Variants in PRKCZ observed in about 807,000 individuals in gnomAD.
The protein encoded by PRKCZ is protein kinase C zeta.
A neutral mutation model predicts 79.5 loss-of-function variants in PRKCZ; 33 were observed. The observed-to-expected ratio is 0.41, with a 90% CI of 0.31 to 0.55. The LOEUF (loss-of-function observed/expected upper bound fraction) is 0.55. PRKCZ is among the 20% of genes least tolerant of loss of function. PRKCZ has a pLI of 0.19. For synonymous variants in PRKCZ, 342 were observed against 320.9 expected, an observed-to-expected ratio of 1.07 and a Z score of -0.70; for missense variants, 578 against 813.5, an observed-to-expected ratio of 0.71 and a Z score of 3.52.
intron 4 of PRKCZ, among the ~76,000 whole-genome samples, chr1:2,105,803 T>TGGGTGATGACC (rs1475675794): frequency 1.3e-5 from 2 of 152,204 alleles, no homozygotes; most frequent in Non-Finnish European, 2.9e-5. Context: ...GGAGCTGCTG[T>TGGGTGATGACC]GGGTGATGAC....
At chr1:2,084,147 C>T (rs1036546957) in intron 4 of PRKCZ, among the ~76,000 whole-genome samples, 13 of 152,112 alleles carry the variant, frequency 8.5e-5, no homozygotes, top group African/African-American at 2.2e-4. Context: ...GGCTGAGGCA[C>T]GAGAATCACT....
rs141866474 is a variant in PRKCZ at position 2,140,627 on chromosome 1, A to G, written c.421-3583A>G. Among the ~76,000 whole-genome samples the G allele has an allele frequency of 2.1e-3, 325 of 152,182 alleles. 1 individual carries two copies. The highest frequency in any genetic ancestry group is 6.6e-3 in the South Asian group (32 of 4,822). On this transcript the variant is annotated intron_variant, in intron 5 of 17. Transcript: ENST00000378567. ...AGCTGAGAACATGCCACTGTACTCC[A>G]GCTTGGGTGACAGAGTGAGACTCCG...
At chr1:2,157,618 C>T (rs1376998733) in intron 10 of PRKCZ, among the ~76,000 whole-genome samples, 2 of 151,526 alleles carry the variant, frequency 1.3e-5, no homozygotes, top group African/African-American at 4.8e-5. Flanking sequence ...GTTGGCCAGG[C>T]GGGTCTCGAA....
At position 2,173,992 on chromosome 1, in the gene PRKCZ, A is replaced by C; in HGVS notation, c.1381A>C (p.Asn461His). The change falls in exon 14 of 18, where the codon AAC (asparagine) becomes CAC (histidine). Residue 461 changes from asparagine to histidine, a missense_variant. Around this residue, in one of 4 missense-constraint regions of PRKCZ, gnomAD observed 243 missense variants for 467.0 expected, o/e 0.52. Coordinates refer to ENST00000378567, the MANE Select transcript of PRKCZ (RefSeq NM_002744.6). The surrounding 1 kb of genome is among the most constrained non-coding windows in gnomAD (Gnocchi z 5.7). ...FDIITDNPDM[N>H]TEDYLFQVIL... ...CATCATCACCGACAACCCGGACATGAACACAGAGGACTACCTTTTCCAAGG... is the reference window on the plus strand; with the variant it reads ...CATCATCACCGACAACCCGGACATGCACACAGAGGACTACCTTTTCCAAGG... 6.2e-7 allele frequency: 1 copy of C among 1,611,654 alleles called. No homozygotes were observed. The highest frequency in any genetic ancestry group is 8.5e-7 in the Non-Finnish European group (1 of 1,178,772).
intron 16 of PRKCZ, chr1:2,181,711 G>C (rs1686648298): frequency 4.8e-6 from 2 of 414,906 alleles, no homozygotes; most frequent in African/African-American, 2.0e-5. Flanking sequence ...CCCTGGGCCA[G>C]CTCCAGCTGG....
intron 4 of PRKCZ, among the ~76,000 whole-genome samples, chr1:2,097,260 C>T (rs1356257150): frequency 3.3e-5 from 5 of 152,338 alleles, no homozygotes; most frequent in Admixed American, 6.5e-5. Flanking sequence ...GTGCAGGCCA[C>T]ATGGCCACCT....
intron 4 of PRKCZ, chr1:2,073,781 C>G: frequency 9.8e-7 from 1 of 1,019,168 alleles, no homozygotes; most frequent in Non-Finnish European, 1.2e-6. Context: ...ATATCTGCTC[C>G]TCGCGCTCGA....
At chr1:2,157,942 C>T (rs1028181205) in intron 10 of PRKCZ, among the ~76,000 whole-genome samples, 3 of 152,216 alleles carry the variant, frequency 2.0e-5, no homozygotes, top group African/African-American at 7.2e-5. Context: ...TTCCTAAGCA[C>T]AGCGGTCCTA....
intron 16 of PRKCZ, among the ~76,000 whole-genome samples, chr1:2,180,733 C>CT (rs944990864): frequency 6.6e-6 from 1 of 152,204 alleles, no homozygotes; most frequent in African/African-American, 2.4e-5. Flanking sequence ...CGCTGCTGTG[C>CT]TGCCACCCCA....
Position 2,097,564 on chromosome 1 carries a change from T to C in PRKCZ, c.335-37698T>C, listed in dbSNP as rs185511021. ...TCAAACCACTTCTCCTGGAGCCCCG[T>C]GTTGTGTGCGTCCCTCAGCCCATGC... On this transcript the variant is annotated intron_variant, in intron 4 of 17. Transcript: ENST00000378567. 3.2e-3 allele frequency among the ~76,000 whole-genome samples: 490 copies of C among 152,228 alleles called. 1 individual carries two copies. The highest frequency in any genetic ancestry group is 0.011 in the African/African-American group (464 of 41,544).
At chr1:2,089,877 C>T (rs980449358) in intron 4 of PRKCZ, among the ~76,000 whole-genome samples, 1 of 151,590 alleles carries the variant, frequency 6.6e-6, no homozygotes, top group Non-Finnish European at 1.5e-5. Context: ...GTAGCCAGGG[C>T]AACATAGCGA....
At position 2,178,875 on chromosome 1, in the gene PRKCZ, G is replaced by A. The variant is rs1685990650; in HGVS notation, c.1575+3562G>A. On this transcript the variant is annotated intron_variant, in intron 16 of 17. Coordinates refer to ENST00000378567, the MANE Select transcript of PRKCZ (RefSeq NM_002744.6). This position sits in a 1 kb window ranked among gnomAD's most constrained non-coding sequence, Gnocchi z 4.3. The stretch of plus-strand genomic sequence containing the variant: ...GGAATGGATGGTGAAAGGACACAGT[G>A]CCCGCCCCCCGAGTGTCCGAGGGTA... 6.6e-6 allele frequency among the ~76,000 whole-genome samples: 1 copy of A among 152,164 alleles called. No individual in the cohort carries two copies. The highest frequency in any genetic ancestry group is 2.1e-4 in the South Asian group (1 of 4,830).
At chr1:2,166,420 G>A (rs1683327855) in intron 10 of PRKCZ, among the ~76,000 whole-genome samples, 1 of 152,088 alleles carries the variant, frequency 6.6e-6, no homozygotes, top group East Asian at 1.9e-4. Context: ...TCTTGTCTCA[G>A]AAAAACAGCC....
At chr1:2,048,605 C>G (rs1047054992), upstream of PRKCZ, among the ~76,000 whole-genome samples, 2 of 151,980 alleles carry the variant, frequency 1.3e-5, no homozygotes, top group African/African-American at 4.8e-5. Flanking sequence ...GGGGGGACTT[C>G]GATGACCCAG....
At chr1:2,169,916 G>A (rs535817781) in intron 11 of PRKCZ, among the ~76,000 whole-genome samples, 4 of 152,094 alleles carry the variant, frequency 2.6e-5, no homozygotes, top group South Asian at 4.2e-4. Flanking sequence ...ACAGTGTGAC[G>A]TCCCCTGCAT....
intron 4 of PRKCZ, among the ~76,000 whole-genome samples, chr1:2,112,251 G>GT (rs1669884274): frequency 6.6e-6 from 1 of 152,186 alleles, no homozygotes; most frequent in Non-Finnish European, 1.5e-5. Flanking sequence ...AGTGTTTGAC[G>GT]TTTATGTGTA....
intron 4 of PRKCZ, among the ~76,000 whole-genome samples, chr1:2,085,600 CTGTT>C (rs2102428336): frequency 6.6e-6 from 1 of 152,256 alleles, no homozygotes; most frequent in East Asian, 1.9e-4. Context: ...ATGGGGGGCC[CTGTT>C]CTCAGAGCCC....
At chr1:2,065,927 T>A (rs887525467) in intron 4 of PRKCZ, among the ~76,000 whole-genome samples, 1 of 152,224 alleles carries the variant, frequency 6.6e-6, no homozygotes, top group Non-Finnish European at 1.5e-5. Flanking sequence ...GTGTTTTTTT[T>A]ACCTTCATTT....
chr1:2,161,648 G>T (rs969333361), intron 10 of PRKCZ, among the ~76,000 whole-genome samples: 1 of 152,194 alleles, frequency 6.6e-6, no homozygotes, highest in Non-Finnish European at 1.5e-5. Flanking sequence ...AGGTCAGGGG[G>T]CAGGTGTCAT....
Sources: gnomAD v4.1 joint callset for allele counts (sites outside exome capture counted in the v4.1 genomes callset) on GRCh38, gnomAD v4.1.1 for gene constraint, gnomAD v4.1.1 regional missense constraint, Gnocchi (gnomAD v3.1) non-coding constraint, MANE v1.5 for transcripts, NCBI Gene and HGNC (gene_info 2026-07-23, HGNC 2026-07-21) for gene names.